BCL6: variants seen among roughly 807,000 people sequenced by gnomAD.
BCL6 encodes BCL6 transcription repressor.
Under a neutral mutation model 59.5 loss-of-function variants are expected in BCL6, and 7 were observed. That is an observed-to-expected ratio of 0.12 (90% CI 0.07 to 0.22). The LOEUF (loss-of-function observed/expected upper bound fraction) is 0.22, where lower values mean the gene tolerates loss of function less well. Among genes scored for constraint, BCL6 ranks in the 10% least tolerant of loss-of-function variants. The probability of loss-of-function intolerance (pLI) is 1.00; values close to 1 mark genes in which losing one functional copy is unlikely to be tolerated. For synonymous variants in BCL6, 339 were observed against 349.7 expected (o/e 0.97, Z 0.34); for missense variants, 685 against 939.4 (o/e 0.73, Z 3.54).
chr3:187,732,465 T>G (rs778216838), intron 3 of BCL6: 2 of 279,524 alleles, frequency 7.2e-6, no homozygotes, highest in Non-Finnish European at 1.5e-5. Context: ...GGTCTGTTAT[T>G]CCTTGAAGAC....
intron 1 of BCL6, 92 bp downstream of exon 1, chr3:187,745,318 T>G: frequency 2.5e-6 from 1 of 400,748 alleles, no homozygotes. Context: ...AAAATAATGA[T>G]CATGAGCAGC....
chr3:187,733,914 A>T, intron 2 of BCL6: 1 of 575,220 alleles, frequency 1.7e-6, no homozygotes, highest in Non-Finnish European at 3.1e-6. Context: ...AAGTTGGGAT[A>T]GAAAGCCCTT....
At chr3:187,731,983 C>A in intron 3 of BCL6, 53 bp from the exon 4 acceptor site, 2 of 1,491,362 alleles carry the variant, frequency 1.3e-6, no homozygotes, top group East Asian at 2.3e-5. Context: ...TCTGTGATCC[C>A]TTACAGTCAG....
intron 1 of BCL6, among the ~76,000 whole-genome samples, chr3:187,740,237 C>G (rs1265477072): frequency 6.6e-6 from 1 of 152,122 alleles, no homozygotes; most frequent in Non-Finnish European, 1.5e-5. Flanking sequence ...CCCTCACACA[C>G]ACACACCCGG....
chr3:187,731,854 G>T lies in BCL6; in HGVS notation c.238C>A (p.Pro80Thr). 1 of 1,614,102 alleles carries T rather than the reference G, an allele frequency of 6.2e-7. No homozygotes were observed. Among genetic ancestry groups the T allele is most frequent in the Non-Finnish European group, 8.5e-7 (1 of 1,180,026 alleles). Residue 80 changes from proline (P) to threonine (T), a missense_variant, in exon 4 of 10, where the codon CCT becomes ACT. Coordinates refer to ENST00000406870, the MANE Select transcript of BCL6 (RefSeq NM_001706.5). ...SVINLDPEIN[P>T]EGFCILLDFM... is the part of the protein sequence containing the mutation. The stretch of plus-strand genomic sequence containing the variant: ...TCCAGGAGGATGCAGAATCCCTCAG[G>T]GTTGATCTCAGGATCTAGATTGATC...
chr3:187,726,755 C>A lies in BCL6; in HGVS notation c.1684G>T (p.Ala562Ser). 2 of 1,607,184 alleles carry A rather than the reference C, an allele frequency of 1.2e-6. No homozygotes were observed. The highest frequency in any genetic ancestry group is 1.7e-6 in the Non-Finnish European group (2 of 1,177,804). ...CCGGTATGGACGGTCTTGTGGCTGG[C>A]GAGGTTGCCCTTGTAGCGGAAGGAG... Reference protein sequence around the residue: ...QASFRYKGNLASHKTVHTGEK... With the variant: ...QASFRYKGNLSSHKTVHTGEK... Residue 562 changes from alanine (A) to serine (S), a missense_variant, in exon 7 of 10, where the codon GCC becomes TCC. By Grantham distance (99) the Ala-to-Ser change is moderately conservative. Transcript: ENST00000406870.
intron 1 of BCL6, among the ~76,000 whole-genome samples, chr3:187,744,929 C>T (rs141121461): frequency 7.9e-5 from 12 of 152,144 alleles, no homozygotes; most frequent in South Asian, 4.2e-4. Flanking sequence ...AGCGCGCGTC[C>T]TCTCCGCGGT....
chr3:187,743,159 C>T (rs1711675287), intron 1 of BCL6, among the ~76,000 whole-genome samples: 1 of 152,174 alleles, frequency 6.6e-6, no homozygotes, highest in South Asian at 2.1e-4. Flanking sequence ...TCCCTGGTTC[C>T]CTCTCTCCTG....
rs369188234 is a variant in BCL6, at chr3:187,726,840, G to C, written c.1599C>G (p.Leu533=). 2.2e-4 allele frequency: 357 copies of C among 1,614,102 alleles called. No individual in the cohort carries two copies. Among genetic ancestry groups the C allele is most frequent in the Non-Finnish European group, 3.0e-4 (349 of 1,180,042 alleles). The change falls in exon 7 of 10, where the codon CTC becomes CTG. Residue 533 remains leucine (L), a synonymous_variant. Coordinates refer to ENST00000406870, the MANE Select transcript of BCL6 (RefSeq NM_001706.5). The part of the protein sequence containing the change: ...CDCRFSEEAS[L]KRHTLQTHSD... ...TGTGGGTCTGCAGCGTGTGCCTCTT[G>C]AGTGAGGCCTCCTCAGAGAAGCGGC...
intron 1 of BCL6, among the ~76,000 whole-genome samples, chr3:187,744,631 T>G (rs1711801479): frequency 6.6e-6 from 1 of 151,980 alleles, no homozygotes; most frequent in East Asian, 1.9e-4. Flanking sequence ...CTTCCAAATC[T>G]CGGTTCGGCT....
At chr3:187,733,488 T>C (rs1012514027) in intron 3 of BCL6, 45 bp downstream of exon 3, 2 of 1,599,948 alleles carry the variant, frequency 1.3e-6, no homozygotes, top group Admixed American at 3.4e-5. Flanking sequence ...GCCAGCACCA[T>C]CACCCCACTT....
In BCL6 at chr3:187,726,834, C is replaced by T. The variant is rs754908308; in HGVS notation, c.1605G>A (p.Arg535=). ...TGTCACTGTGGGTCTGCAGCGTGTG[C>T]CTCTTGAGTGAGGCCTCCTCAGAGA... is the stretch of plus-strand genomic sequence containing the variant. ...CRFSEEASLK[R]HTLQTHSDKP... is the part of the protein sequence containing the mutation. Residue 535 remains arginine (R), a synonymous_variant, in exon 7 of 10, where the codon AGG becomes AGA. Transcript: ENST00000406870. 6 of 1,614,068 alleles carry T rather than the reference C, an allele frequency of 3.7e-6. No individual in the cohort carries two copies. The highest frequency in any genetic ancestry group is 4.2e-6 in the Non-Finnish European group (5 of 1,180,036).
intron 4 of BCL6, among the ~76,000 whole-genome samples, chr3:187,730,977 T>C (rs1719011454): frequency 6.6e-6 from 1 of 152,152 alleles, no homozygotes; most frequent in African/African-American, 2.4e-5. Context: ...ACCCTTCTGT[T>C]TGAGCGAGGA....
Position 187,721,810 on chromosome 3 carries a change from T to C in BCL6, c.*648A>G. The C allele has an allele frequency of 4.3e-6, 1 of 230,184 alleles. No individual in the cohort carries two copies. The highest frequency in any genetic ancestry group is 8.6e-6 in the Non-Finnish European group (1 of 116,060). The allele number at this position is 230,184 out of a possible 1,614,324, so 14.3% of individuals were successfully genotyped here. A position where few individuals can be genotyped will look rare whatever the true frequency, so the allele number is the denominator to read the frequency against. ...ATTTTAGACAAAATATTTTCTTACT[T>C]ATACAGATGCAATACTTAAAATATT... On this transcript the variant is annotated 3_prime_UTR_variant, in exon 10 of 10. Transcript: ENST00000406870. The surrounding 1 kb of genome is among the most constrained non-coding windows in gnomAD (Gnocchi z 4.2).
chr3:187,725,282 G>A lies in BCL6; in HGVS notation c.1840-204C>T, dbSNP rs1322800154. On this transcript the variant is annotated intron_variant, in intron 8 of 9. Transcript: ENST00000406870. This position sits in a 1 kb window ranked among gnomAD's most constrained non-coding sequence, Gnocchi z 4.7. ...ACCTGCCCACTCTGCTCACCTACCC[G>A]CTCTGCTCACCTGCCCGCTCTGCTC... 4.1e-5 allele frequency among the ~76,000 whole-genome samples: 6 copies of A among 145,920 alleles called. No homozygotes were observed. Among genetic ancestry groups the A allele is most frequent in the South Asian group, 4.3e-4 (2 of 4,602 alleles).
intron 1 of BCL6, among the ~76,000 whole-genome samples, chr3:187,738,967 C>T (rs3172468): frequency 0.11 from 16,727 of 152,048 alleles, 1,130 homozygotes; most frequent in African/African-American, 0.18. Flanking sequence ...GAGCTCAAAC[C>T]GAATGGTGTT....
chr3:187,728,425 G>T lies in BCL6; in HGVS notation c.1475C>A (p.Thr492Asn). Residue 492 changes from threonine to asparagine, a missense_variant, in exon 6 of 10, where the codon ACC (threonine) becomes AAC (asparagine). Physicochemically the swap from Thr to Asn is moderately conservative, Grantham distance 65. Transcript: ENST00000406870. ...CTCCTCAGGGAACGTGGGGCCAGCGGTGTGGAGGCACATCTCTGCATGCTG... is the reference window on the plus strand; with the variant it reads ...CTCCTCAGGGAACGTGGGGCCAGCGTTGTGGAGGCACATCTCTGCATGCTG... ...SPQHAEMCLH[T>N]AGPTFPEEMG... is the part of the protein sequence containing the mutation. The T allele has an allele frequency of 1.2e-6, 2 of 1,612,452 alleles. No individual in the cohort carries two copies. The highest frequency in any genetic ancestry group is 1.7e-6 in the Non-Finnish European group (2 of 1,179,450).
At chr3:187,743,342 C>T (rs1241707552) in intron 1 of BCL6, among the ~76,000 whole-genome samples, 1 of 116,664 alleles carries the variant, frequency 8.6e-6, no homozygotes, top group African/African-American at 3.2e-5. Flanking sequence ...TGGCGGGGGC[C>T]GGCGGGGAGG....
intron 1 of BCL6, among the ~76,000 whole-genome samples, chr3:187,744,892 A>G (rs1711836780): frequency 1.3e-5 from 2 of 152,206 alleles, no homozygotes; most frequent in East Asian, 1.9e-4. Flanking sequence ...GCCGTACGCA[A>G]GCAGCAGCAG....
Sources: allele counts gnomAD v4.1 joint callset (sites outside exome capture counted in the v4.1 genomes callset), GRCh38; gene constraint gnomAD v4.1.1; non-coding constraint Gnocchi (gnomAD v3.1); transcripts MANE v1.5; gene names NCBI Gene and HGNC (gene_info 2026-07-23, HGNC 2026-07-21).